MC2R: variants seen among roughly 807,000 people sequenced by gnomAD.
MC2R encodes the protein melanocortin 2 receptor, also known as adrenocorticotropic hormone receptor.
In MC2R, 9 loss-of-function variants were observed where a neutral mutation model predicts 9.8. That is an observed-to-expected ratio of 0.92 (90% CI 0.55 to 1.60). The LOEUF (loss-of-function observed/expected upper bound fraction) is 1.60. MC2R is among the 40% of genes most tolerant of loss of function. MC2R has a pLI of 0.00. For missense variants in MC2R, 370 were observed against 389.0 expected (o/e 0.95, Z 0.41); for synonymous variants, 185 against 154.7 (o/e 1.20, Z -1.45).
At chr18:13,892,943 C>G (rs2045325777) in intron 1 of MC2R, among the ~76,000 whole-genome samples, 1 of 152,214 alleles carries the variant, frequency 6.6e-6, no homozygotes, top group Non-Finnish European at 1.5e-5. Context: ...TGTCTCGCCT[C>G]AGCTTCCCAG....
chr18:13,892,650 C>T (rs1053061841), intron 1 of MC2R, among the ~76,000 whole-genome samples: 1 of 151,768 alleles, frequency 6.6e-6, no homozygotes, highest in African/African-American at 2.4e-5. Context: ...TTTCTTCAGA[C>T]AGGGTCAGAA....
Position 13,899,909 on chromosome 18 carries a change from C to T in MC2R, c.-128-14263G>A, listed in dbSNP as rs150291633. Among the ~76,000 whole-genome samples, 128 of 152,136 alleles carry T rather than the reference C, an allele frequency of 8.4e-4. 1 individual carries two copies. The highest frequency in any genetic ancestry group is 6.8e-3 in the Middle Eastern group (2 of 294). On this transcript the variant is annotated intron_variant, in intron 1 of 1. Coordinates refer to ENST00000327606, the MANE Select transcript of MC2R (RefSeq NM_000529.2). ...GATGTTAATGAGCAATAAGTAATCA[C>T]CTGAAGGTACAAAACTCACTAATAA...
At position 13,899,283 on chromosome 18, in the gene MC2R, A is replaced by G. The variant is rs538518419; in HGVS notation, c.-128-13637T>C. 7.9e-5 allele frequency among the ~76,000 whole-genome samples: 12 copies of G among 152,304 alleles called. No homozygotes were observed. The South Asian group carries it at 2.1e-3, about 26-fold the overall frequency. ...GAAGCAGAAGAAAGAATTAATGAGC[A>G]TGAATACAGCCTATTTGAAAATACA... On this transcript the variant is annotated intron_variant, in intron 1 of 1. Transcript: ENST00000327606.
At chr18:13,905,267 C>T (rs139119380) in intron 1 of MC2R, among the ~76,000 whole-genome samples, 3 of 152,092 alleles carry the variant, frequency 2.0e-5, no homozygotes, top group Non-Finnish European at 2.9e-5. Flanking sequence ...ATGCGGCCAA[C>T]AAACAAATGA....
chr18:13,902,925 AT>A (rs1221310993), intron 1 of MC2R, among the ~76,000 whole-genome samples: 1 of 152,192 alleles, frequency 6.6e-6, no homozygotes, highest in Non-Finnish European at 1.5e-5. Flanking sequence ...GAGAGAAAAT[AT>A]TTGCAAACTA....
At chr18:13,891,364 G>C (rs915611649) in intron 1 of MC2R, among the ~76,000 whole-genome samples, 1 of 152,156 alleles carries the variant, frequency 6.6e-6, no homozygotes, top group Non-Finnish European at 1.5e-5. Flanking sequence ...ATATTTTGCT[G>C]TGTAAATAAT....
At chr18:13,908,572 A>G (rs1475769993) in intron 1 of MC2R, among the ~76,000 whole-genome samples, 2 of 152,200 alleles carry the variant, frequency 1.3e-5, no homozygotes, top group Non-Finnish European at 2.9e-5. Context: ...AGATATCCTA[A>G]GTACACTGTT....
intron 1 of MC2R, among the ~76,000 whole-genome samples, chr18:13,909,804 ACATAGT>A (rs555106480): frequency 7.3e-4 from 111 of 152,278 alleles, no homozygotes; most frequent in African/African-American, 2.5e-3. Context: ...TTATTTCCTG[ACATAGT>A]CATAGAATAA....
At chr18:13,902,782 C>G (rs185193139) in intron 1 of MC2R, among the ~76,000 whole-genome samples, 1 of 152,128 alleles carries the variant, frequency 6.6e-6, no homozygotes, top group African/African-American at 2.4e-5. Context: ...TTGGTCTGGG[C>G]AAAAATTTCT....
chr18:13,884,517 T>G lies in MC2R; in HGVS notation c.*108A>C. 2.4e-5 allele frequency: 29 copies of G among 1,199,234 alleles called. No individual in the cohort carries two copies. The highest frequency in any genetic ancestry group is 2.7e-4 in the Middle Eastern group (1 of 3,680). The allele number at this position is 1,199,234 out of a possible 1,614,324, so 74.3% of individuals were successfully genotyped here. ...GCTGGTGGGATCATCCTTGCATCCA[T>G]TAGGGAAGGAAGGCCAGTGAGGAGC... On this transcript the variant is annotated 3_prime_UTR_variant, in exon 2 of 2. Coordinates refer to ENST00000327606, the MANE Select transcript of MC2R (RefSeq NM_000529.2).
rs966299234 is a variant in MC2R, at chr18:13,883,770, A to G, written c.*855T>C. 1 of 152,068 alleles carries G rather than the reference A, an allele frequency of 6.6e-6. No individual in the cohort carries two copies. Among genetic ancestry groups the G allele is most frequent in the African/African-American group, 2.4e-5 (1 of 41,370 alleles). 9.4% of individuals were successfully genotyped at this position (152,068 alleles called of 1,614,324 possible). ...GTTACAGCTTCTTCAAATAGTGACA[A>G]TTTTCATCTGGCCTTTATGTATTCC... On this transcript the variant is annotated 3_prime_UTR_variant, in exon 2 of 2. Coordinates refer to ENST00000327606, the MANE Select transcript of MC2R (RefSeq NM_000529.2).
intron 1 of MC2R, among the ~76,000 whole-genome samples, chr18:13,888,451 C>A (rs1023269309): frequency 2.0e-5 from 3 of 152,216 alleles, no homozygotes; most frequent in African/African-American, 7.2e-5. Flanking sequence ...TCTCCAGATG[C>A]ATTCACTCAC....
At chr18:13,892,841 CA>C (rs1204782391) in intron 1 of MC2R, among the ~76,000 whole-genome samples, 2 of 136,082 alleles carry the variant, frequency 1.5e-5, no homozygotes, top group East Asian at 2.2e-4. Context: ...CACACACACA[CA>C]CACACCACAC....
chr18:13,893,867 G>A (rs1212266705), intron 1 of MC2R, among the ~76,000 whole-genome samples: 4 of 152,214 alleles, frequency 2.6e-5, no homozygotes, highest in African/African-American at 9.7e-5. Flanking sequence ...GTATTGCACA[G>A]GAGTGATACT....
At chr18:13,913,225 G>A (rs1734680087) in intron 1 of MC2R, among the ~76,000 whole-genome samples, 1 of 152,008 alleles carries the variant, frequency 6.6e-6, no homozygotes, top group Non-Finnish European at 1.5e-5. Flanking sequence ...TCAGCTCCCT[G>A]CACAGCCTCA....
At chr18:13,894,791 G>A (rs771569294) in intron 1 of MC2R, among the ~76,000 whole-genome samples, 66 of 152,096 alleles carry the variant, frequency 4.3e-4, no homozygotes, top group Non-Finnish European at 8.8e-5. Flanking sequence ...TTTTAGTACT[G>A]CTCTCCCTCT....
In MC2R at chr18:13,883,619, ACACACACACTCTCTCTCT is replaced by A. The variant is rs1567894731; in HGVS notation, c.*988_*1005del. The A allele has an allele frequency of 5.2e-5, 4 of 76,388 alleles. No individual in the cohort carries two copies. Among genetic ancestry groups the A allele is most frequent in the Admixed American group, 1.4e-4 (1 of 7,112 alleles). 4.7% of individuals were successfully genotyped at this position (76,388 alleles called of 1,614,324 possible). A position where few individuals can be genotyped will look rare whatever the true frequency, so the allele number is the denominator to read the frequency against. On this transcript the variant is annotated 3_prime_UTR_variant, in exon 2 of 2. Coordinates refer to ENST00000327606, the MANE Select transcript of MC2R (RefSeq NM_000529.2). Reference sequence around the variant, plus strand: ...CACACACACACACACACACACACACACACACACACTCTCTCTCTCTCTCTCTCTCTCTCTCTCTGTCTG... The same window carrying A: ...CACACACACACACACACACACACACACTCTCTCTCTCTCTCTCTCTGTCTG...
Position 13,884,508 on chromosome 18 carries a change from T to A in MC2R, c.*117A>T, listed in dbSNP as rs149746538. 5.0e-4 allele frequency: 567 copies of A among 1,138,218 alleles called. 2 individuals are homozygous for A. The African/African-American group carries it at 7.5e-3, about 15-fold the overall frequency. The allele number at this position is 1,138,218 out of a possible 1,614,324, so 70.5% of individuals were successfully genotyped here. On this transcript the variant is annotated 3_prime_UTR_variant, in exon 2 of 2. Transcript: ENST00000327606. ...GAAACACTAGCTGGTGGGATCATCC[T>A]TGCATCCATTAGGGAAGGAAGGCCA... is the stretch of plus-strand genomic sequence containing the variant.
At chr18:13,899,569 ATCATACTC>A (rs554452552) in intron 1 of MC2R, among the ~76,000 whole-genome samples, 2 of 152,178 alleles carry the variant, frequency 1.3e-5, no homozygotes, top group Non-Finnish European at 2.9e-5. Context: ...GCATTTAATA[ATCATACTC>A]TCATAGATCA....
Sources: gnomAD v4.1 joint callset for allele counts (sites outside exome capture counted in the v4.1 genomes callset) on GRCh38, gnomAD v4.1.1 for gene constraint, MANE v1.5 for transcripts, NCBI Gene and HGNC (gene_info 2026-07-23, HGNC 2026-07-21) for gene names.